TSPEAR: variants seen among roughly 807,000 people sequenced by gnomAD.
TSPEAR encodes the protein thrombospondin type laminin G domain and EAR repeats.
A neutral mutation model predicts 71.6 loss-of-function variants in TSPEAR; 69 were observed. The ratio of observed to expected loss-of-function variants is 0.96; its 90% confidence interval spans 0.79 to 1.18. TSPEAR has a LOEUF of 1.18. TSPEAR is among the 50% of genes most tolerant of loss of function. TSPEAR has a pLI of 0.00. For synonymous variants in TSPEAR, 402 were observed against 387.2 expected (o/e 1.04, Z -0.45); for missense variants, 971 against 894.9 (o/e 1.09, Z -1.09).
intron 1 of TSPEAR, chr21:44,628,233 C>T (rs587659429): frequency 3.1e-6 from 2 of 654,388 alleles, no homozygotes; most frequent in Non-Finnish European, 5.1e-6. Flanking sequence ...GGCAGGCGAG[C>T]CCTGGCTTCT....
At chr21:44,508,729 C>T (rs781793199) in intron 10 of TSPEAR, 33 of 1,246,608 alleles carry the variant, frequency 2.6e-5, no homozygotes, top group Non-Finnish European at 3.3e-5. Context: ...CTCAACAGGC[C>T]AGTCTCCGTG....
chr21:44,551,537 T>A (rs587612963), intron 2 of TSPEAR: 1,223 of 828,000 alleles, frequency 1.5e-3, no homozygotes, highest in Admixed American at 2.5e-3. Context: ...TGAGTGTGTG[T>A]GTGAGCCTGT....
intron 11 of TSPEAR, among the ~76,000 whole-genome samples, chr21:44,504,416 G>T (rs1333308564): frequency 5.2e-5 from 7 of 134,366 alleles, no homozygotes; most frequent in Admixed American, 2.3e-4. Context: ...GGGAAGCAAG[G>T]CTCTGGGAGG....
intron 1 of TSPEAR, among the ~76,000 whole-genome samples, chr21:44,673,703 A>G (rs910322409): frequency 3.3e-5 from 5 of 152,238 alleles, no homozygotes; most frequent in Admixed American, 6.5e-5. Context: ...GACAGACCCT[A>G]TGTTTGGCCA....
At chr21:44,518,184 C>G in intron 9 of TSPEAR, 1 of 389,314 alleles carries the variant, frequency 2.6e-6, no homozygotes, top group Non-Finnish European at 5.2e-6. Flanking sequence ...ACAAGTATAA[C>G]TTAAAAAAAT....
At chr21:44,703,072 CT>C (rs1479635400) in intron 1 of TSPEAR, among the ~76,000 whole-genome samples, 12 of 152,336 alleles carry the variant, frequency 7.9e-5, no homozygotes, top group South Asian at 2.1e-4. Flanking sequence ...CTGGCCCCCC[CT>C]GCCCTTCTCC....
In TSPEAR at chr21:44,546,625, G is replaced by T. The variant is rs148578360; in HGVS notation, c.304-12702C>A. 8.1e-4 allele frequency among the ~76,000 whole-genome samples: 123 copies of T among 152,322 alleles called. No homozygotes were observed. Among genetic ancestry groups the T allele is most frequent in the African/African-American group, 2.9e-3 (121 of 41,576 alleles). On this transcript the variant is annotated intron_variant, in intron 2 of 11. Coordinates refer to ENST00000323084, the MANE Select transcript of TSPEAR (RefSeq NM_144991.3). The surrounding 1 kb of genome is among the most constrained non-coding windows in gnomAD (Gnocchi z 4.4). Reference sequence around the variant, plus strand: ...TTACAGGCATGAGCCACTGCGCCCGGCCCCTCTTTCATTTTTGAAGGATAA... The same window carrying T: ...TTACAGGCATGAGCCACTGCGCCCGTCCCCTCTTTCATTTTTGAAGGATAA...
chr21:44,704,921 G>A (rs1321494384), intron 1 of TSPEAR, among the ~76,000 whole-genome samples: 1 of 152,054 alleles, frequency 6.6e-6, no homozygotes, highest in Non-Finnish European at 1.5e-5. Flanking sequence ...TGCCCGCCCC[G>A]CCCAGACGCA....
intron 1 of TSPEAR, among the ~76,000 whole-genome samples, chr21:44,604,840 G>A (rs782027552): frequency 1.3e-5 from 2 of 152,184 alleles, no homozygotes; most frequent in Non-Finnish European, 2.9e-5. Context: ...ATCTATTGGG[G>A]TGATCATGTG....
At chr21:44,579,674 G>A in intron 1 of TSPEAR, 1 of 1,519,052 alleles carries the variant, frequency 6.6e-7, no homozygotes, top group South Asian at 1.3e-5. Context: ...CCCGTCCCAA[G>A]CGGGGGCAAC....
At chr21:44,621,868 C>T (rs1982458104) in intron 1 of TSPEAR, among the ~76,000 whole-genome samples, 2 of 152,014 alleles carry the variant, frequency 1.3e-5, no homozygotes, top group Non-Finnish European at 2.9e-5. Context: ...GTTGTGTCTC[C>T]ACCAACGCAA....
At chr21:44,698,342 G>A (rs1555951069) in intron 1 of TSPEAR, among the ~76,000 whole-genome samples, 1 of 152,188 alleles carries the variant, frequency 6.6e-6, no homozygotes, top group East Asian at 1.9e-4. Context: ...AGGAGGCCAG[G>A]ACACAGATGC....
chr21:44,539,399 CAGG>C (rs1569173504), intron 2 of TSPEAR: 6 of 1,601,790 alleles, frequency 3.7e-6, no homozygotes, highest in Non-Finnish European at 5.1e-6. Context: ...AGGGGCACAG[CAGG>C]AGGAGACAGG....
chr21:44,646,423 T>TC (rs1984366889), intron 1 of TSPEAR: 11 of 1,579,602 alleles, frequency 7.0e-6, no homozygotes, highest in South Asian at 1.2e-5. Flanking sequence ...CACACTCACT[T>TC]ACACCTCCCC....
chr21:44,537,718 C>T (rs782499589), intron 2 of TSPEAR, among the ~76,000 whole-genome samples: 7 of 152,038 alleles, frequency 4.6e-5, no homozygotes, highest in African/African-American at 1.7e-4. Context: ...TTTCCAATCT[C>T]GGGGAGTGTG....
At chr21:44,662,671 T>C (rs1401080396) in intron 1 of TSPEAR, among the ~76,000 whole-genome samples, 1 of 152,330 alleles carries the variant, frequency 6.6e-6, no homozygotes, top group East Asian at 1.9e-4. Flanking sequence ...ATACACATTC[T>C]TTTCAAGCAC....
At chr21:44,627,737 A>C (rs1441014775) in intron 1 of TSPEAR, 5 of 1,594,002 alleles carry the variant, frequency 3.1e-6, no homozygotes, top group Non-Finnish European at 4.3e-6. Flanking sequence ...GTCTGCTGTA[A>C]GCCTGTCTGC....
intron 10 of TSPEAR, among the ~76,000 whole-genome samples, chr21:44,507,424 G>A (rs587711130): frequency 6.6e-5 from 10 of 152,362 alleles, no homozygotes; most frequent in Non-Finnish European, 1.3e-4. Flanking sequence ...GCCACATCAC[G>A]TCTCCGGGAA....
chr21:44,637,605 A>G, intron 1 of TSPEAR: 4 of 1,613,784 alleles, frequency 2.5e-6, no homozygotes, highest in Non-Finnish European at 3.4e-6. Context: ...AGCGCCTGCC[A>G]ATCAGGCTAC....
Sources: allele counts gnomAD v4.1 joint callset (sites outside exome capture counted in the v4.1 genomes callset), GRCh38; gene constraint gnomAD v4.1.1; non-coding constraint Gnocchi (gnomAD v3.1); transcripts MANE v1.5; gene names NCBI Gene and HGNC (gene_info 2026-07-23, HGNC 2026-07-21).